RALGAPA2: variants seen among roughly 807,000 people sequenced by gnomAD.
The protein encoded by RALGAPA2 is ral GTPase-activating protein subunit alpha-2.
Under a neutral mutation model 230.4 loss-of-function variants are expected in RALGAPA2, and 139 were observed. That is an observed-to-expected ratio of 0.60 (90% confidence interval 0.53 to 0.69). RALGAPA2 has a LOEUF of 0.69. Among genes scored for constraint, RALGAPA2 ranks in the 30% least tolerant of loss-of-function variants. The pLI is 0.00. For missense variants in RALGAPA2, 2,163 were observed against 2,276.0 expected, an observed-to-expected ratio of 0.95 and a Z score of 1.01; for synonymous variants, 847 against 837.8, an observed-to-expected ratio of 1.01 and a Z score of -0.19.
At chr20:20,593,498 C>T (rs545349617) in intron 16 of RALGAPA2, among the ~76,000 whole-genome samples, 2 of 152,382 alleles carry the variant, frequency 1.3e-5, no homozygotes, top group African/African-American at 4.8e-5. Flanking sequence ...AGGGCCAGCC[C>T]TTCCGGCTGT....
chr20:20,576,489 T>C (rs1295886097), intron 20 of RALGAPA2, among the ~76,000 whole-genome samples: 1 of 152,144 alleles, frequency 6.6e-6, no homozygotes, highest in Non-Finnish European at 1.5e-5. Context: ...GGCTTTTCTT[T>C]TGCATTCCTG....
At chr20:20,429,637 C>T (rs1203416989) in intron 37 of RALGAPA2, among the ~76,000 whole-genome samples, 1 of 152,168 alleles carries the variant, frequency 6.6e-6, no homozygotes, top group African/African-American at 2.4e-5. Context: ...ACAATCAGTA[C>T]AAAATTCTAA....
intron 9 of RALGAPA2, among the ~76,000 whole-genome samples, chr20:20,632,243 G>C (rs556496701): frequency 6.6e-6 from 1 of 152,042 alleles, no homozygotes; most frequent in East Asian, 1.9e-4. Flanking sequence ...TGTTAGCCAG[G>C]ATGGTCTCGA....
intron 37 of RALGAPA2, among the ~76,000 whole-genome samples, chr20:20,433,880 C>T (rs2060550235): frequency 1.3e-5 from 2 of 152,172 alleles, no homozygotes; most frequent in Non-Finnish European, 2.9e-5. Flanking sequence ...TTTATCAGAA[C>T]AGAAAGTAGA....
At chr20:20,641,124 T>C (rs12480323) in intron 5 of RALGAPA2, among the ~76,000 whole-genome samples, 7,010 of 152,216 alleles carry the variant, frequency 0.046, 255 homozygotes, top group East Asian at 0.16. Context: ...CTGGGACCCA[T>C]GGAGAACCAC....
intron 27 of RALGAPA2, among the ~76,000 whole-genome samples, chr20:20,531,178 T>C (rs146334062): frequency 6.6e-6 from 1 of 152,358 alleles, no homozygotes; most frequent in East Asian, 1.9e-4. Flanking sequence ...GTCTTGAAGA[T>C]TAACAGAATT....
intron 24 of RALGAPA2, among the ~76,000 whole-genome samples, chr20:20,539,333 T>C (rs2063579076): frequency 6.6e-6 from 1 of 152,174 alleles, no homozygotes; most frequent in South Asian, 2.1e-4. Flanking sequence ...CCTCTACAAT[T>C]TTAACCTCAA....
In RALGAPA2 at chr20:20,465,149, T is replaced by TCACACACACACACACACACACACACA. The variant is rs74180992; in HGVS notation, c.5495+7654_5495+7679dup. 4.4e-4 allele frequency among the ~76,000 whole-genome samples: 48 copies of TCACACACACACACACACACACACACA among 109,230 alleles called. 1 individual carries two copies. The highest frequency in any genetic ancestry group is 1.9e-3 in the East Asian group (6 of 3,242). 71.7% of individuals were successfully genotyped at this position (109,230 alleles called of 152,430 possible). ...GCTTCTTCCCTCCCCCCGCAGGCCT[T>TCACACACACACACACACACACACACA]CACACACACACACACACACACACAC... is the stretch of plus-strand genomic sequence containing the variant. On this transcript the variant is annotated intron_variant, in intron 37 of 39. Coordinates refer to ENST00000202677, the MANE Select transcript of RALGAPA2 (RefSeq NM_020343.4).
intron 19 of RALGAPA2, 89 bp downstream of exon 19, chr20:20,584,776 G>C: frequency 9.6e-7 from 1 of 1,044,866 alleles, no homozygotes; most frequent in East Asian, 2.7e-5. Flanking sequence ...GTGAGACTGA[G>C]TCTCTAATAA....
intron 23 of RALGAPA2, among the ~76,000 whole-genome samples, chr20:20,550,462 T>C (rs938116514): frequency 1.1e-4 from 17 of 152,206 alleles, no homozygotes; most frequent in African/African-American, 3.6e-4. Context: ...GTCAGGGTGG[T>C]GTGAAAGAAT....
intron 23 of RALGAPA2, among the ~76,000 whole-genome samples, chr20:20,560,121 C>T (rs1296868000): frequency 6.6e-6 from 1 of 152,000 alleles, no homozygotes; most frequent in East Asian, 1.9e-4. Flanking sequence ...AAGAGTGAGG[C>T]CACCAAGAGC....
At chr20:20,574,433 A>G (rs997442709) in intron 20 of RALGAPA2, among the ~76,000 whole-genome samples, 1 of 152,230 alleles carries the variant, frequency 6.6e-6, no homozygotes, top group African/African-American at 2.4e-5. Context: ...ATTTACATGT[A>G]TATCTAATTT....
chr20:20,548,174 A>G (rs934345474), intron 23 of RALGAPA2, among the ~76,000 whole-genome samples: 1 of 152,130 alleles, frequency 6.6e-6, no homozygotes, highest in African/African-American at 2.4e-5. Flanking sequence ...CTTTTCTTAG[A>G]TTTCAGTATG....
At chr20:20,542,731 C>T (rs902986100) in intron 24 of RALGAPA2, among the ~76,000 whole-genome samples, 2 of 152,134 alleles carry the variant, frequency 1.3e-5, no homozygotes, top group Admixed American at 6.5e-5. Flanking sequence ...AACTGGACCC[C>T]TTCTTTACAC....
chr20:20,679,494 C>A (rs2068449402), intron 2 of RALGAPA2, among the ~76,000 whole-genome samples: 1 of 152,196 alleles, frequency 6.6e-6, no homozygotes, highest in Non-Finnish European at 1.5e-5. Context: ...TAGTAACAAA[C>A]ACTTTCAAGA....
chr20:20,570,784 C>A (rs1354800391), intron 23 of RALGAPA2, among the ~76,000 whole-genome samples: 1 of 152,158 alleles, frequency 6.6e-6, no homozygotes, highest in East Asian at 1.9e-4. Flanking sequence ...ACATCACTTG[C>A]CTGCTTGATA....
At position 20,583,084 on chromosome 20, in the gene RALGAPA2, T is replaced by A. The variant is rs765229085; in HGVS notation, c.2673A>T (p.Leu891Phe). The A allele has an allele frequency of 3.1e-6, 5 of 1,613,628 alleles. No homozygotes were observed. In the Admixed American group the frequency reaches 6.7e-5, roughly 22 times the overall value. The change falls in exon 20 of 40, where the codon TTA (leucine) becomes TTT (phenylalanine). Residue 891 changes from leucine to phenylalanine, a missense_variant. Leu to Phe is a conservative substitution (Grantham distance 22). Transcript: ENST00000202677. ...TTGAAGCATCGGTGGGACTCAGTTG[T>A]AACCAATGACGGGCATCAGCATCAG... ...VVADADARHWLQLSPTDASNL... is the reference protein window; with the variant it reads ...VVADADARHWFQLSPTDASNL...
chr20:20,592,239 C>T (rs959199736), intron 16 of RALGAPA2, among the ~76,000 whole-genome samples: 1 of 152,206 alleles, frequency 6.6e-6, no homozygotes, highest in African/African-American at 2.4e-5. Context: ...TTAAAACCCA[C>T]CAAAGCCCTC....
Position 20,593,000 on chromosome 20 carries a change from C to G in RALGAPA2, c.2204-1686G>C, listed in dbSNP as rs192791746. 5.3e-3 allele frequency among the ~76,000 whole-genome samples: 812 copies of G among 152,142 alleles called. 6 individuals carry two copies. Among genetic ancestry groups the G allele is most frequent in the African/African-American group, 0.019 (774 of 41,490 alleles). On this transcript the variant is annotated intron_variant, in intron 16 of 39. Transcript: ENST00000202677. ...TGGTGTGATCACAGCTCACTGCACA[C>G]TCGACCCCCCTGGCTCAACTGATTC...
Sources: gnomAD v4.1 joint callset for allele counts (sites outside exome capture counted in the v4.1 genomes callset) on GRCh38, gnomAD v4.1.1 for gene constraint, MANE v1.5 for transcripts, NCBI Gene and HGNC (gene_info 2026-07-23, HGNC 2026-07-21) for gene names.